The following LAMA4 variants were observed in gnomAD, a reference collection of about 807,000 sequenced individuals.
LAMA4 encodes the protein laminin subunit alpha 4, also known as laminin subunit alpha-4.
LAMA4 carries 127 observed loss-of-function variants against 207.1 expected under a neutral mutation model. The ratio of observed to expected loss-of-function variants is 0.61; its 90% confidence interval spans 0.53 to 0.71. LAMA4 has a LOEUF of 0.71. Ranked by LOEUF, LAMA4 falls within the 30% of genes least tolerant of loss-of-function variation. LAMA4 has a pLI of 0.00. For synonymous variants in LAMA4, 761 were observed against 816.0 expected, an observed-to-expected ratio of 0.93 and a Z score of 1.15; for missense variants, 2,093 against 2,246.5, an observed-to-expected ratio of 0.93 and a Z score of 1.38.
intron 13 of LAMA4, among the ~76,000 whole-genome samples, chr6:112,160,211 G>A (rs1450910123): frequency 6.6e-6 from 1 of 152,052 alleles, no homozygotes; most frequent in African/African-American, 2.4e-5. Flanking sequence ...CCAATGAACA[G>A]GTATTTCCCC....
At chr6:112,159,582 C>T (rs1780932974) in intron 13 of LAMA4, 1 of 152,802 alleles carries the variant, frequency 6.5e-6, no homozygotes, top group South Asian at 2.1e-4. Context: ...CTCCTAGTCA[C>T]CCAAATAGTG....
intron 9 of LAMA4, 196 bp from the exon 10 acceptor site, chr6:112,178,428 T>A (rs373463212): frequency 5.2e-5 from 30 of 574,356 alleles, no homozygotes; most frequent in African/African-American, 1.9e-4. Flanking sequence ...TTTTAAAAAA[T>A]TTTTTAATTT....
chr6:112,246,520 C>CTTTT (rs11364561), intron 2 of LAMA4, among the ~76,000 whole-genome samples: 1 of 127,840 alleles, frequency 7.8e-6, no homozygotes, highest in East Asian at 2.2e-4. Flanking sequence ...ATCAAAGCTG[C>CTTTT]TTTTTTTTTT....
At chr6:112,229,912 T>C (rs1785447055) in intron 2 of LAMA4, among the ~76,000 whole-genome samples, 1 of 152,330 alleles carries the variant, frequency 6.6e-6, no homozygotes, top group African/African-American at 2.4e-5. Context: ...GGTTTCTCAA[T>C]ACAATTGTAG....
intron 31 of LAMA4, among the ~76,000 whole-genome samples, chr6:112,125,816 T>C (rs191086786): frequency 6.6e-6 from 1 of 152,314 alleles, no homozygotes; most frequent in African/African-American, 2.4e-5. Context: ...TAAGTGAATA[T>C]AGTAAGTGAA....
chr6:112,144,678 A>G, intron 19 of LAMA4, 116 bp downstream of exon 19: 1 of 1,199,628 alleles, frequency 8.3e-7, no homozygotes, highest in Non-Finnish European at 1.2e-6. Context: ...GCTGAGAACT[A>G]CTGAGTTGGA....
chr6:112,129,311 A>G (rs1778888232), intron 30 of LAMA4, among the ~76,000 whole-genome samples: 1 of 152,178 alleles, frequency 6.6e-6, no homozygotes, highest in East Asian at 1.9e-4. Context: ...ATAATAATGA[A>G]TATCTTTTCC....
chr6:112,130,677 A>C (rs531764240), intron 29 of LAMA4, among the ~76,000 whole-genome samples: 1 of 152,160 alleles, frequency 6.6e-6, no homozygotes, highest in South Asian at 2.1e-4. Context: ...AAAATACTGC[A>C]CTCTGTTCAG....
At chr6:112,142,492 C>CAA (rs34291448) in intron 19 of LAMA4, among the ~76,000 whole-genome samples, 200 bp from the exon 20 acceptor site, 10 of 149,726 alleles carry the variant, frequency 6.7e-5, no homozygotes, top group African/African-American at 1.7e-4. Context: ...TGAAAGAAAG[C>CAA]AAAAAAAAAG....
intron 8 of LAMA4, chr6:112,186,942 C>T (rs1036862981): frequency 3.8e-5 from 17 of 449,898 alleles, no homozygotes; most frequent in South Asian, 1.9e-4. Flanking sequence ...TGAATGTCTG[C>T]GTTTGACTGT....
intron 4 of LAMA4, among the ~76,000 whole-genome samples, chr6:112,202,183 G>A (rs1011657963): frequency 3.3e-5 from 5 of 152,178 alleles, no homozygotes; most frequent in Non-Finnish European, 7.4e-5. Flanking sequence ...GACTGGCTGC[G>A]TCGATGAAAG....
chr6:112,254,204 C>G lies in LAMA4; in HGVS notation c.-54G>C. The G allele has an allele frequency of 6.2e-7, 1 of 1,608,910 alleles. No individual in the cohort carries two copies. The highest frequency in any genetic ancestry group is 8.5e-7 in the Non-Finnish European group (1 of 1,178,876). On this transcript the variant is annotated 5_prime_UTR_variant, in exon 2 of 39. Transcript: ENST00000230538. Reference sequence around the variant, plus strand: ...CCAGGGCTCGGGCGCTGTGGGTCTCCGTAGGTCTCCCGCGTGGTGCGGCGG... The same window carrying G: ...CCAGGGCTCGGGCGCTGTGGGTCTCGGTAGGTCTCCCGCGTGGTGCGGCGG...
intron 2 of LAMA4, among the ~76,000 whole-genome samples, chr6:112,222,990 T>C (rs1033153246): frequency 3.3e-5 from 5 of 152,204 alleles, no homozygotes; most frequent in Non-Finnish European, 7.3e-5. Flanking sequence ...ATAGTAGAGA[T>C]TGTTGCTTAT....
rs147079111 is a variant in LAMA4 at position 112,141,240 on chromosome 6, A to G, written c.2813+118T>C. 410 of 1,026,176 alleles carry G rather than the reference A, an allele frequency of 4.0e-4. 4 individuals are homozygous for G. The East Asian group carries it at 8.7e-3, about 22-fold the overall frequency. 63.6% of individuals were successfully genotyped at this position (1,026,176 alleles called of 1,614,324 possible). A position where few individuals can be genotyped will look rare whatever the true frequency, so the allele number is the denominator to read the frequency against. On this transcript the variant is annotated intron_variant, in intron 21 of 38. Coordinates refer to ENST00000230538, the MANE Select transcript of LAMA4 (RefSeq NM_001105206.3). ...GCAAGAATAAAGGGAGGAAAATGCTATTTATAACATCCACAGGAAGACTGT... is the reference window on the plus strand; with the variant it reads ...GCAAGAATAAAGGGAGGAAAATGCTGTTTATAACATCCACAGGAAGACTGT...
chr6:112,192,877 C>T (rs1286347155), intron 5 of LAMA4, among the ~76,000 whole-genome samples: 1 of 152,224 alleles, frequency 6.6e-6, no homozygotes, highest in Non-Finnish European at 1.5e-5. Flanking sequence ...TGTTGCCAGC[C>T]TAGAGCCTTG....
chr6:112,187,557 C>T lies in LAMA4; in HGVS notation c.859G>A (p.Ala287Thr). 6.2e-7 allele frequency: 1 copy of T among 1,614,118 alleles called. No homozygotes were observed. The highest frequency in any genetic ancestry group is 8.5e-7 in the Non-Finnish European group (1 of 1,179,984). ...VWDLTDDLRL[A>T]ALSIEEGKSG... ...TTGCCTTCCTCGATGGAGAGCGCTG[C>T]TAACCGCAGGTCATCAGTCAGGTCC... Residue 287 changes from alanine to threonine, a missense_variant, in exon 8 of 39, where the codon GCA becomes ACA. Physicochemically the swap from Ala to Thr is moderately conservative, Grantham distance 58. Around this residue, in one of 3 missense-constraint regions of LAMA4, gnomAD observed 1,704 missense variants for 1,788.4 expected, o/e 0.95. Transcript: ENST00000230538.
intron 24 of LAMA4, among the ~76,000 whole-genome samples, chr6:112,137,625 G>A (rs962264378): frequency 3.3e-5 from 5 of 152,160 alleles, no homozygotes; most frequent in African/African-American, 1.2e-4. Context: ...TGCAGTTTAC[G>A]TGTGGCTAGT....
At chr6:112,185,403 G>T in intron 8 of LAMA4, 56 bp from the exon 9 acceptor site, 1 of 1,024,136 alleles carries the variant, frequency 9.8e-7, no homozygotes, top group Non-Finnish European at 1.6e-6. Flanking sequence ...TTTAAAAAAT[G>T]TACATAAAAC....
chr6:112,169,480 G>A (rs1344324035), intron 12 of LAMA4, among the ~76,000 whole-genome samples: 1 of 152,206 alleles, frequency 6.6e-6, no homozygotes, highest in Non-Finnish European at 1.5e-5. Context: ...TAAGGATGCA[G>A]ACCCACAAAT....
Sources: gnomAD v4.1 joint callset for allele counts (sites outside exome capture counted in the v4.1 genomes callset) on GRCh38, gnomAD v4.1.1 for gene constraint, gnomAD v4.1.1 regional missense constraint, MANE v1.5 for transcripts, NCBI Gene and HGNC (gene_info 2026-07-23, HGNC 2026-07-21) for gene names.